The following GABRG3 variants were observed in gnomAD, a reference collection of about 807,000 sequenced individuals.
GABRG3 encodes gamma-aminobutyric acid receptor subunit gamma-3.
GABRG3 carries 25 observed loss-of-function variants against 48.8 expected under a neutral mutation model. The observed-to-expected ratio is 0.51, with a 90% CI of 0.37 to 0.72. The LOEUF (loss-of-function observed/expected upper bound fraction) is 0.72, where lower values mean the gene tolerates loss of function less well. GABRG3 is among the 30% of genes least tolerant of loss of function. GABRG3 has a pLI of 0.00. For synonymous variants in GABRG3, 227 were observed against 217.6 expected (o/e 1.04, Z -0.38); for missense variants, 394 against 577.9 (o/e 0.68, Z 3.26).
chr15:27,345,137 A>AT (rs1273725284), intron 5 of GABRG3, among the ~76,000 whole-genome samples: 1 of 152,166 alleles, frequency 6.6e-6, no homozygotes, highest in Non-Finnish European at 1.5e-5. Flanking sequence ...GCTTTTTAAG[A>AT]TTTTAATCTA....
intron 3 of GABRG3, among the ~76,000 whole-genome samples, chr15:27,193,620 G>C (rs1888402824): frequency 6.6e-6 from 1 of 152,188 alleles, no homozygotes; most frequent in Admixed American, 6.5e-5. Flanking sequence ...GGTGCTGTCT[G>C]TCACCCCTTT....
At chr15:27,254,136 C>A (rs1049090113) in intron 3 of GABRG3, among the ~76,000 whole-genome samples, 8 of 152,148 alleles carry the variant, frequency 5.3e-5, no homozygotes, top group African/African-American at 1.9e-4. Context: ...TGCAGAAACC[C>A]AGCCCTGGAA....
chr15:27,001,641 AG>A (rs1372492842), intron 2 of GABRG3, among the ~76,000 whole-genome samples: 3 of 152,212 alleles, frequency 2.0e-5, no homozygotes, highest in African/African-American at 7.2e-5. Context: ...GTCACAGGGC[AG>A]GGATGTGCAG....
intron 2 of GABRG3, among the ~76,000 whole-genome samples, chr15:27,003,170 TTTA>T (rs1156593144): frequency 2.7e-5 from 4 of 150,030 alleles, no homozygotes; most frequent in African/African-American, 9.7e-5. Flanking sequence ...TTTTTTATTT[TTTA>T]TTTTTTTTAA....
chr15:27,483,779 T>G (rs929181511), intron 6 of GABRG3, among the ~76,000 whole-genome samples: 2 of 152,214 alleles, frequency 1.3e-5, no homozygotes, highest in African/African-American at 4.8e-5. Flanking sequence ...CTAAGACTTC[T>G]GACTGGCACA....
intron 3 of GABRG3, among the ~76,000 whole-genome samples, chr15:27,307,228 T>TATATTATATGTTTATATATAACCATGTTC (rs1566770625): frequency 6.2e-4 from 79 of 127,414 alleles, no homozygotes; most frequent in East Asian, 1.1e-3. Flanking sequence ...TAACCATGTT[T>TATATTATATGTTTATATATAACCATGTTC]ATATTATATG....
At chr15:27,239,462 G>C (rs953912348) in intron 3 of GABRG3, among the ~76,000 whole-genome samples, 2 of 152,184 alleles carry the variant, frequency 1.3e-5, no homozygotes, top group African/African-American at 4.8e-5. Context: ...AGTAGTAAAA[G>C]TCTTTATAAA....
chr15:27,340,270 C>T (rs1018248345), intron 5 of GABRG3, among the ~76,000 whole-genome samples: 2 of 152,126 alleles, frequency 1.3e-5, no homozygotes, highest in Non-Finnish European at 2.9e-5. Flanking sequence ...TTCTCTGCGG[C>T]CTCTGGAATT....
At chr15:27,257,412 T>G (rs1433904167) in intron 3 of GABRG3, among the ~76,000 whole-genome samples, 3 of 152,188 alleles carry the variant, frequency 2.0e-5, no homozygotes, top group African/African-American at 4.8e-5. Flanking sequence ...TTGCCTTTAT[T>G]GTCTGTGCTT....
chr15:27,279,145 G>A (rs1231853947), intron 3 of GABRG3, among the ~76,000 whole-genome samples: 1 of 151,972 alleles, frequency 6.6e-6, no homozygotes, highest in African/African-American at 2.4e-5. Context: ...TGTATAGTTG[G>A]GTTTTGAGAG....
chr15:27,370,715 T>G lies in GABRG3; in HGVS notation c.574+41827T>G, dbSNP rs557458779. On this transcript the variant is annotated intron_variant, in intron 5 of 9. Transcript: ENST00000615808. ...TTCGATAAAACAAGCCTGCAATGAA[T>G]TTTAGTTTTCTGGAAAATAATTAGG... 3.9e-5 allele frequency among the ~76,000 whole-genome samples: 6 copies of G among 152,330 alleles called. No individual in the cohort carries two copies. In the East Asian group the frequency reaches 5.8e-4, roughly 15 times the overall value.
intron 3 of GABRG3, among the ~76,000 whole-genome samples, chr15:27,247,660 A>G (rs1417090891): frequency 1.3e-5 from 2 of 152,184 alleles, no homozygotes; most frequent in African/African-American, 4.8e-5. Flanking sequence ...GAGACTAGGC[A>G]AATTAAAAAA....
At chr15:27,327,105 A>AC (rs1893642125) in intron 4 of GABRG3, 76 bp downstream of exon 4, 2 of 1,282,942 alleles carry the variant, frequency 1.6e-6, no homozygotes, top group African/African-American at 3.0e-5. Flanking sequence ...TAGGAATGAG[A>AC]CCCTATTTTC....
At position 27,319,251 on chromosome 15, in the gene GABRG3, C is replaced by T. The variant is rs780057512; in HGVS notation, c.271-7558C>T. On this transcript the variant is annotated intron_variant, in intron 3 of 9. Transcript: ENST00000615808. This position sits in a 1 kb window ranked among gnomAD's most constrained non-coding sequence, Gnocchi z 4.4. ...AAAATGTCTGAAACCAACAAGGGCT[C>T]CAGTGAGCCTCGGTCACTGCTCTCT... Among the ~76,000 whole-genome samples the T allele has an allele frequency of 6.6e-6, 1 of 152,156 alleles. No homozygotes were observed. The highest frequency in any genetic ancestry group is 1.5e-5 in the Non-Finnish European group (1 of 68,022).
intron 5 of GABRG3, among the ~76,000 whole-genome samples, chr15:27,427,089 A>G (rs1330555578): frequency 1.3e-5 from 2 of 152,166 alleles, no homozygotes; most frequent in Non-Finnish European, 2.9e-5. Context: ...AATGATCCAA[A>G]TGTGCGAGAC....
intron 3 of GABRG3, among the ~76,000 whole-genome samples, chr15:27,035,621 T>C (rs1401928790): frequency 6.6e-6 from 1 of 152,228 alleles, no homozygotes; most frequent in African/African-American, 2.4e-5. Context: ...TCTCCCGCTT[T>C]ACCTTGACAG....
chr15:27,125,237 G>T (rs1458779633), intron 3 of GABRG3, among the ~76,000 whole-genome samples: 1 of 152,174 alleles, frequency 6.6e-6, no homozygotes, highest in African/African-American at 2.4e-5. Flanking sequence ...AAGAAATAGT[G>T]TTGTCACAGA....
intron 7 of GABRG3, among the ~76,000 whole-genome samples, chr15:27,522,454 C>A (rs1891181899): frequency 6.6e-6 from 1 of 151,698 alleles, no homozygotes; most frequent in African/African-American, 2.4e-5. Context: ...AACTAGTTTT[C>A]TATTTTTATT....
rs191132647 is a variant in GABRG3, at chr15:27,344,000, C to T, written c.574+15112C>T. ...TTATGCATTTTCACCCCTTGTGTTG[C>T]AGCCATGCCAGCAAGGCAGAGACTA... is the stretch of plus-strand genomic sequence containing the variant. On this transcript the variant is annotated intron_variant, in intron 5 of 9. Transcript: ENST00000615808. 2.9e-3 allele frequency among the ~76,000 whole-genome samples: 441 copies of T among 152,310 alleles called. 10 individuals carry two copies. Among genetic ancestry groups the T allele is most frequent in the Admixed American group, 0.027 (410 of 15,310 alleles).
Sources: gnomAD v4.1 joint callset for allele counts (sites outside exome capture counted in the v4.1 genomes callset) on GRCh38, gnomAD v4.1.1 for gene constraint, Gnocchi (gnomAD v3.1) non-coding constraint, MANE v1.5 for transcripts, NCBI Gene and HGNC (gene_info 2026-07-23, HGNC 2026-07-21) for gene names.